Variants in PCDHGA10 observed in about 807,000 individuals in gnomAD.
PCDHGA10 encodes protocadherin gamma subfamily A, 10.
PCDHGA10 carries 42 observed loss-of-function variants against 59.5 expected under a neutral mutation model. The observed-to-expected ratio is 0.71, with a 90% CI of 0.55 to 0.91. The LOEUF (loss-of-function observed/expected upper bound fraction) is 0.91. Ranked by LOEUF, PCDHGA10 falls within the 40% of genes least tolerant of loss-of-function variation. The probability of loss-of-function intolerance (pLI) is 0.00; values close to 1 mark genes in which losing one functional copy is unlikely to be tolerated. For synonymous variants in PCDHGA10, 511 were observed against 517.2 expected (o/e 0.99, Z 0.16); for missense variants, 1,111 against 1,198.2 (o/e 0.93, Z 1.07).
At position 141,438,631 on chromosome 5, in the gene PCDHGA10, T is replaced by C. The variant is rs1227796079; in HGVS notation, c.2436+23020T>C. 6.5e-4 allele frequency among the ~76,000 whole-genome samples: 28 copies of C among 43,202 alleles called. 1 individual carries two copies. Among genetic ancestry groups the C allele is most frequent in the Non-Finnish European group, 8.8e-4 (23 of 26,272 alleles). 28.3% of individuals were successfully genotyped at this position (43,202 alleles called of 152,430 possible). On this transcript the variant is annotated intron_variant, in intron 1 of 3. Transcript: ENST00000398610. ...ATATATATATATATATATATATATATATATACACACACACACACACATATA... is the reference window on the plus strand; with the variant it reads ...ATATATATATATATATATATATATACATATACACACACACACACACATATA...
At chr5:141,419,630 G>T in intron 1 of PCDHGA10, 2 of 1,612,430 alleles carry the variant, frequency 1.2e-6, no homozygotes, top group African/African-American at 1.3e-5. Flanking sequence ...GGTGACCAAG[G>T]TGGTGGCCGT....
At chr5:141,420,108 A>G (rs780657975) in intron 1 of PCDHGA10, 1 of 1,614,030 alleles carries the variant, frequency 6.2e-7, no homozygotes, top group Non-Finnish European at 8.5e-7. Flanking sequence ...ACGTTGCCCT[A>G]TGCCTATAAT....
Position 141,485,448 on chromosome 5 carries a change from G to A in PCDHGA10, c.2437-9359G>A. On this transcript the variant is annotated intron_variant, in intron 1 of 3. Coordinates refer to ENST00000398610, the MANE Select transcript of PCDHGA10 (RefSeq NM_018913.3). This position sits in a 1 kb window ranked among gnomAD's most constrained non-coding sequence, Gnocchi z 5.7. ...CTGCTCATCAAGAACCCAATCGACC[G>A]AGAGGCACTGTGTGGGCTCAGTGCC... is the stretch of plus-strand genomic sequence containing the variant. 1 of 1,614,154 alleles carries A rather than the reference G, an allele frequency of 6.2e-7. No homozygotes were observed.
chr5:141,458,848 T>C (rs1044462303), intron 1 of PCDHGA10, among the ~76,000 whole-genome samples: 1 of 152,182 alleles, frequency 6.6e-6, no homozygotes, highest in Non-Finnish European at 1.5e-5. Flanking sequence ...TCCTCCCACC[T>C]CAGCCTTCCA....
intron 1 of PCDHGA10, chr5:141,423,754 G>C: frequency 1.7e-6 from 1 of 577,836 alleles, no homozygotes. Flanking sequence ...ACTGTTTGGG[G>C]GGGGGGTGGG....
chr5:141,423,751 G>GT, intron 1 of PCDHGA10: 12 of 349,026 alleles, frequency 3.4e-5, no homozygotes, highest in Non-Finnish European at 4.3e-5. Context: ...AAAACTGTTT[G>GT]GGGGGGGGGT....
chr5:141,450,181 C>A (rs2098672863), intron 1 of PCDHGA10, among the ~76,000 whole-genome samples: 1 of 151,572 alleles, frequency 6.6e-6, no homozygotes, highest in African/African-American at 2.4e-5. Flanking sequence ...CCACACCCAG[C>A]TAATTTTTGT....
intron 1 of PCDHGA10, chr5:141,421,352 AGG>A: frequency 6.2e-7 from 1 of 1,613,946 alleles, no homozygotes; most frequent in Non-Finnish European, 8.5e-7. Context: ...GAGACCGAAA[AGG>A]GCTCCTTCGT....
At chr5:141,424,245 A>T (rs1196753393) in intron 1 of PCDHGA10, 3 of 155,310 alleles carry the variant, frequency 1.9e-5, no homozygotes, top group African/African-American at 7.2e-5. Context: ...GGTGGCTGGT[A>T]ATATGCTTAG....
chr5:141,449,756 T>C (rs2098654563), intron 1 of PCDHGA10, among the ~76,000 whole-genome samples: 1 of 151,728 alleles, frequency 6.6e-6, no homozygotes, highest in South Asian at 2.1e-4. Flanking sequence ...TTTATGACAT[T>C]TGAGAGTAAG....
At chr5:141,428,290 C>G in intron 1 of PCDHGA10, 2 of 726,802 alleles carry the variant, frequency 2.8e-6, no homozygotes, top group Non-Finnish European at 4.8e-6. Context: ...CCAAGCAAAG[C>G]TGCAGATTTA....
At position 141,457,403 on chromosome 5, in the gene PCDHGA10, C is replaced by A. The variant is rs550748216; in HGVS notation, c.2437-37404C>A. On this transcript the variant is annotated intron_variant, in intron 1 of 3. Transcript: ENST00000398610. ...GAACTAGCATATTGATTCACATTTT[C>A]ACATTACCCATCCCTTTTTCCCCCC... Among the ~76,000 whole-genome samples, 4 of 152,328 alleles carry A rather than the reference C, an allele frequency of 2.6e-5. No homozygotes were observed. In the East Asian group the frequency reaches 7.7e-4, roughly 29 times the overall value.
intron 1 of PCDHGA10, chr5:141,433,240 C>A (rs533423214): frequency 1.3e-6 from 2 of 1,488,038 alleles, no homozygotes; most frequent in Non-Finnish European, 1.8e-6. Flanking sequence ...GTCTCCCAAG[C>A]TGGAATGCAG....
rs1222348421 is a variant in PCDHGA10, at chr5:141,511,044, C to T, written c.2682C>T (p.Asp894=). 1 of 1,614,128 alleles carries T rather than the reference C, an allele frequency of 6.2e-7. No homozygotes were observed. The highest frequency in any genetic ancestry group is 1.3e-5 in the African/African-American group (1 of 74,940). ...GPQFTLQHVP[D]YRQNVYIPGS... is the part of the protein sequence containing the mutation. ...AGTTCACCCTGCAGCACGTGCCCGA[C>T]TACCGCCAGAATGTCTACATCCCAG... The change falls in exon 4 of 4, where the codon GAC becomes GAT. Residue 894 remains aspartate, a synonymous_variant. Coordinates refer to ENST00000398610, the MANE Select transcript of PCDHGA10 (RefSeq NM_018913.3).
chr5:141,446,353 T>C (rs1278613929), intron 1 of PCDHGA10, among the ~76,000 whole-genome samples: 2 of 152,176 alleles, frequency 1.3e-5, no homozygotes, highest in Non-Finnish European at 2.9e-5. Flanking sequence ...AAGCTACCAT[T>C]TGATGAGAAT....
At chr5:141,438,635 T>TATAC (rs1460604450) in intron 1 of PCDHGA10, among the ~76,000 whole-genome samples, 1 of 33,416 alleles carries the variant, frequency 3.0e-5, no homozygotes, top group Admixed American at 4.2e-4. Context: ...TATATATATA[T>TATAC]ACACACACAC....
At chr5:141,507,121 G>A (rs940889204) in intron 3 of PCDHGA10, 1 of 152,126 alleles carries the variant, frequency 6.6e-6, no homozygotes, top group African/African-American at 2.4e-5. Flanking sequence ...GGCTGCCTTT[G>A]GATCCAGCCT....
chr5:141,413,333 C>T lies in PCDHGA10; in HGVS notation c.158C>T (p.Ser53Phe). Residue 53 changes from serine (S) to phenylalanine (F), a missense_variant, in exon 1 of 4, where the codon TCC becomes TTC. Coordinates refer to ENST00000398610, the MANE Select transcript of PCDHGA10 (RefSeq NM_018913.3). ...LEKGSFVGNI[S>F]KDLGLAPREL... ...AAAGGCTCTTTCGTGGGCAACATCT[C>T]CAAGGACTTGGGTCTGGCGCCCCGG... The T allele has an allele frequency of 6.2e-7, 1 of 1,613,966 alleles. No individual in the cohort carries two copies. The highest frequency in any genetic ancestry group is 8.5e-7 in the Non-Finnish European group (1 of 1,179,908).
At position 141,413,456 on chromosome 5, in the gene PCDHGA10, T is replaced by C. The variant is rs2095643709; in HGVS notation, c.281T>C (p.Ile94Thr). 1.9e-5 allele frequency: 30 copies of C among 1,613,982 alleles called. No homozygotes were observed. Among genetic ancestry groups the C allele is most frequent in the South Asian group, 2.2e-5 (2 of 91,090 alleles). ...GGCAGCTTGATCACCGCGGGCAGGA[T>C]AGACCGGGAGGAGCTCTGCGCTCAG... is the stretch of plus-strand genomic sequence containing the variant. The part of the protein sequence containing the change: ...RSGSLITAGR[I>T]DREELCAQSA... Residue 94 changes from isoleucine (I) to threonine (T), a missense_variant, in exon 1 of 4, where the codon ATA becomes ACA. By Grantham distance (89) the Ile-to-Thr change is moderately conservative. Transcript: ENST00000398610.
Sources: allele counts gnomAD v4.1 joint callset (sites outside exome capture counted in the v4.1 genomes callset), GRCh38; gene constraint gnomAD v4.1.1; non-coding constraint Gnocchi (gnomAD v3.1); transcripts MANE v1.5; gene names NCBI Gene and HGNC (gene_info 2026-07-23, HGNC 2026-07-21).